Variants in SPATA13 observed in about 807,000 individuals in gnomAD.
SPATA13 encodes the protein spermatogenesis associated 13.
In SPATA13, 50 loss-of-function variants were observed where a neutral mutation model predicts 104.0. The ratio of observed to expected loss-of-function variants is 0.48; its 90% confidence interval spans 0.38 to 0.61. The LOEUF (loss-of-function observed/expected upper bound fraction) is 0.61. Ranked by LOEUF, SPATA13 falls within the 20% of genes least tolerant of loss-of-function variation. SPATA13 has a pLI of 0.00. For missense variants in SPATA13, 1,524 were observed against 1,690.6 expected, an observed-to-expected ratio of 0.90 and a Z score of 1.73; for synonymous variants, 606 against 667.5, an observed-to-expected ratio of 0.91 and a Z score of 1.42.
At position 23,998,927 on chromosome 13, in the gene SPATA13, G is replaced by GATTTTTTTTTTTTTTTTTTTT. The variant is rs144157914; in HGVS notation, c.-147+14994_-147+14995insATTTTTTTTTTTTTTTTTTTT. Among the ~76,000 whole-genome samples the GATTTTTTTTTTTTTTTTTTTT allele has an allele frequency of 2.1e-5, 3 of 145,816 alleles. 1 individual carries two copies. The highest frequency in any genetic ancestry group is 2.1e-4 in the South Asian group (1 of 4,696). ...AATTTTCCATCTTTTCACTAACTTT[G>GATTTTTTTTTTTTTTTTTTTT]GTTTTTTTTTTTTTTTGAGATGGAG... On this transcript the variant is annotated intron_variant, in intron 2 of 14. Transcript: ENST00000424834.
At chr13:24,296,985 T>C (rs1483917799) in intron 10 of SPATA13, among the ~76,000 whole-genome samples, 2 of 152,148 alleles carry the variant, frequency 1.3e-5, no homozygotes, top group Admixed American at 6.5e-5. Flanking sequence ...TCCTAACACC[T>C]GAAGGAATCC....
chr13:24,087,366 C>G (rs1403549412), intron 3 of SPATA13, among the ~76,000 whole-genome samples: 1 of 152,226 alleles, frequency 6.6e-6, no homozygotes, highest in Non-Finnish European at 1.5e-5. Flanking sequence ...CCTCCCTCCC[C>G]CAGGGGCAGG....
chr13:24,077,980 C>T (rs377404181), intron 3 of SPATA13, among the ~76,000 whole-genome samples: 1 of 152,172 alleles, frequency 6.6e-6, no homozygotes, highest in African/African-American at 2.4e-5. Flanking sequence ...ACCTTCAAGG[C>T]TTGGCCTGCG....
Position 23,989,371 on chromosome 13 carries a change from G to A in SPATA13, c.-147+5438G>A, listed in dbSNP as rs989568667. On this transcript the variant is annotated intron_variant, in intron 2 of 14. Coordinates refer to the SPATA13 transcript ENST00000424834. ...TGGGAGGTAGAGGTTGCAATGAGCC[G>A]AGATCACGCCACTGCACTCCAGCCT... Among the ~76,000 whole-genome samples the A allele has an allele frequency of 7.9e-5, 12 of 151,536 alleles. No individual in the cohort carries two copies. The East Asian group carries it at 1.9e-3, about 25-fold the overall frequency.
intron 1 of SPATA13, among the ~76,000 whole-genome samples, chr13:24,180,778 GATTGC>G (rs1395977476): frequency 3.3e-5 from 5 of 151,956 alleles, no homozygotes; most frequent in Non-Finnish European, 7.4e-5. Flanking sequence ...TTTGATTATT[GATTGC>G]AAGTCTATAG....
In SPATA13 at chr13:24,038,013, G is replaced by C. The variant is rs936104455; in HGVS notation, c.-112+20312G>C. Among the ~76,000 whole-genome samples, 6 of 151,990 alleles carry C rather than the reference G, an allele frequency of 3.9e-5. 1 individual carries two copies. The South Asian group carries it at 1.0e-3, about 26-fold the overall frequency. On this transcript the variant is annotated intron_variant, in intron 3 of 14. Transcript: ENST00000424834. The stretch of plus-strand genomic sequence containing the variant: ...TGCAAGCTCTACCTCCCGGGTTCAC[G>C]CCATTCTCCTGCCTCAGCCTCCCGA...
intron 1 of SPATA13, among the ~76,000 whole-genome samples, chr13:24,198,763 G>A (rs1870234538): frequency 1.3e-5 from 2 of 152,148 alleles, no homozygotes; most frequent in South Asian, 4.1e-4. Context: ...ACGAGGACAT[G>A]GAAACTAGTA....
At chr13:24,288,885 G>C in intron 7 of SPATA13, 114 bp from the exon 8 acceptor site, 1 of 903,990 alleles carries the variant, frequency 1.1e-6, no homozygotes. Flanking sequence ...GACTCATAGA[G>C]TCTTTTTAAT....
At chr13:24,107,126 T>A (rs1880479216) in intron 3 of SPATA13, among the ~76,000 whole-genome samples, 1 of 149,314 alleles carries the variant, frequency 6.7e-6, no homozygotes, top group South Asian at 2.1e-4. Flanking sequence ...TACAGCTCTA[T>A]CAGGTGAAGG....
chr13:24,206,890 CAA>C (rs58744273), intron 1 of SPATA13, among the ~76,000 whole-genome samples: 11,011 of 141,096 alleles, frequency 0.078, 559 homozygotes, highest in Non-Finnish European at 0.12. Context: ...AACTCTGTCT[CAA>C]AAAAAAAAAA....
intron 3 of SPATA13, chr13:24,123,688 C>A (rs1274686933): frequency 1.3e-6 from 2 of 1,582,210 alleles, no homozygotes; most frequent in Admixed American, 3.3e-5. Flanking sequence ...TCGTAAGGGT[C>A]TTCTTGCCAA....
Position 24,222,819 on chromosome 13 carries a change from C to T in SPATA13, c.-111C>T. On this transcript the variant is annotated splice_region_variant and 5_prime_UTR_variant, in exon 2 of 13. Coordinates refer to ENST00000382108, the MANE Select transcript of SPATA13 (RefSeq NM_001166271.3). ...CCGCCTGCTTTGTCTTTCACTGCAG[C>T]CCGTGGCCACCCAGGAGCCCGATGT... 3 of 1,514,814 alleles carry T rather than the reference C, an allele frequency of 2.0e-6. No individual in the cohort carries two copies. The highest frequency in any genetic ancestry group is 2.7e-6 in the Non-Finnish European group (3 of 1,125,948). 93.8% of individuals were successfully genotyped at this position (1,514,814 alleles called of 1,614,324 possible).
chr13:24,107,339 G>A (rs1485303899), intron 3 of SPATA13, among the ~76,000 whole-genome samples: 2 of 150,554 alleles, frequency 1.3e-5, no homozygotes, highest in Non-Finnish European at 2.9e-5. Context: ...CAGGCACAGT[G>A]GAAACTGTCC....
At chr13:24,171,243 C>T (rs1179458196) in intron 1 of SPATA13, among the ~76,000 whole-genome samples, 1 of 152,148 alleles carries the variant, frequency 6.6e-6, no homozygotes, top group Non-Finnish European at 1.5e-5. Flanking sequence ...ACTTGGAAAG[C>T]AGTGCCCATC....
intron 3 of SPATA13, among the ~76,000 whole-genome samples, chr13:24,106,118 T>C (rs1880440829): frequency 6.6e-6 from 1 of 152,170 alleles, no homozygotes; most frequent in African/African-American, 2.4e-5. Flanking sequence ...ACTGCAGCCT[T>C]GAGCTCCTGG....
intron 1 of SPATA13, among the ~76,000 whole-genome samples, chr13:24,170,745 C>A (rs1438265663): frequency 6.6e-6 from 1 of 152,012 alleles, no homozygotes; most frequent in African/African-American, 2.4e-5. Flanking sequence ...GGCCCTTGTT[C>A]CCCAGAACTG....
intron 3 of SPATA13, among the ~76,000 whole-genome samples, chr13:24,097,789 AATTTG>A (rs1880130216): frequency 1.3e-5 from 2 of 152,242 alleles, no homozygotes; most frequent in South Asian, 4.1e-4. Context: ...AGCATGGTAC[AATTTG>A]AGAACAGCAG....
At chr13:24,184,453 T>C (rs1869019183) in intron 1 of SPATA13, among the ~76,000 whole-genome samples, 1 of 152,186 alleles carries the variant, frequency 6.6e-6, no homozygotes, top group Admixed American at 6.5e-5. Context: ...CTCATTTGGA[T>C]GGAAAGTGAA....
intron 3 of SPATA13, among the ~76,000 whole-genome samples, chr13:24,072,426 C>A (rs1879196810): frequency 1.3e-5 from 2 of 152,172 alleles, no homozygotes; most frequent in Non-Finnish European, 2.9e-5. Flanking sequence ...GAGCCTGAGG[C>A]AGGTGGATCT....
Sources: allele counts gnomAD v4.1 joint callset (sites outside exome capture counted in the v4.1 genomes callset), GRCh38; gene constraint gnomAD v4.1.1; transcripts MANE v1.5; gene names NCBI Gene and HGNC (gene_info 2026-07-23, HGNC 2026-07-21).